PTPRD: variants seen among roughly 807,000 people sequenced by gnomAD.
The protein encoded by PTPRD is receptor-type tyrosine-protein phosphatase delta.
In PTPRD, 34 loss-of-function variants were observed where a neutral mutation model predicts 214.5. That is an observed-to-expected ratio of 0.16 (90% CI 0.12 to 0.21). The LOEUF is 0.21. PTPRD is among the 10% of genes least tolerant of loss of function. PTPRD has a pLI of 1.00. For missense variants in PTPRD, 2,545 were observed against 2,398.7 expected, an observed-to-expected ratio of 1.06 and a Z score of -1.27; for synonymous variants, 1,128 against 845.7, an observed-to-expected ratio of 1.33 and a Z score of -5.79.
intron 5 of PTPRD, among the ~76,000 whole-genome samples, chr9:9,886,439 G>T (rs1031263292): frequency 6.6e-6 from 1 of 152,068 alleles, no homozygotes; most frequent in Admixed American, 6.6e-5. Flanking sequence ...CCATAAAAAA[G>T]GGAGGTTTAA....
At chr9:9,372,203 G>C in intron 9 of PTPRD, among the ~76,000 whole-genome samples, 1 of 152,072 alleles carries the variant, frequency 6.6e-6, no homozygotes, top group East Asian at 1.9e-4. Flanking sequence ...GTCTAATGTT[G>C]ACAGTGGGGT....
intron 2 of PTPRD, among the ~76,000 whole-genome samples, chr9:10,453,325 TAGA>T (rs905040658): frequency 1.2e-3 from 184 of 151,828 alleles, no homozygotes; most frequent in African/African-American, 4.3e-3. Flanking sequence ...ATATAAATTT[TAGA>T]AGTTCTTTTA....
At chr9:9,624,578 G>A (rs559225218) in intron 7 of PTPRD, among the ~76,000 whole-genome samples, 65 of 152,146 alleles carry the variant, frequency 4.3e-4, no homozygotes, top group African/African-American at 1.5e-3. Flanking sequence ...ATGAGCCACT[G>A]TACCTGGCCG....
At chr9:10,308,691 A>T (rs1482201483) in intron 3 of PTPRD, among the ~76,000 whole-genome samples, 1 of 152,100 alleles carries the variant, frequency 6.6e-6, no homozygotes, top group Non-Finnish European at 1.5e-5. Context: ...CTGATTCATT[A>T]TCATGGGATG....
At chr9:10,328,656 T>C (rs767734026) in intron 3 of PTPRD, among the ~76,000 whole-genome samples, 1 of 151,878 alleles carries the variant, frequency 6.6e-6, no homozygotes, top group South Asian at 2.1e-4. Flanking sequence ...AGAGAAAATA[T>C]TTGATTATAC....
At chr9:9,692,983 G>A (rs2097302093) in intron 7 of PTPRD, among the ~76,000 whole-genome samples, 2 of 151,900 alleles carry the variant, frequency 1.3e-5, no homozygotes, top group Non-Finnish European at 2.9e-5. Context: ...TGTAACCTGA[G>A]AGTTTGCTGA....
chr9:10,292,639 A>G (rs2095559924), intron 3 of PTPRD, among the ~76,000 whole-genome samples: 1 of 151,968 alleles, frequency 6.6e-6, no homozygotes. Context: ...ACCCAACAAA[A>G]TCTAGTGAAA....
intron 3 of PTPRD, among the ~76,000 whole-genome samples, chr9:10,224,713 C>A (rs926258229): frequency 1.2e-4 from 18 of 151,972 alleles, no homozygotes; most frequent in African/African-American, 4.3e-4. Context: ...CACACATTTT[C>A]TTCCACTTTC....
chr9:8,606,230 T>G (rs2095203976), intron 14 of PTPRD, among the ~76,000 whole-genome samples: 1 of 152,052 alleles, frequency 6.6e-6, no homozygotes, highest in South Asian at 2.1e-4. Context: ...TGTCTTTACA[T>G]GCATTCACAA....
At chr9:9,231,853 G>C (rs756727303) in intron 9 of PTPRD, among the ~76,000 whole-genome samples, 2 of 151,868 alleles carry the variant, frequency 1.3e-5, no homozygotes, top group African/African-American at 4.8e-5. Context: ...TTTACATTAC[G>C]TATTTTCCCT....
At chr9:10,069,098 T>C (rs941030942) in intron 3 of PTPRD, among the ~76,000 whole-genome samples, 1 of 151,956 alleles carries the variant, frequency 6.6e-6, no homozygotes, top group Non-Finnish European at 1.5e-5. Context: ...TGTCAACCCA[T>C]GGTTTCTTCA....
At chr9:8,816,625 A>G (rs1422003714) in intron 11 of PTPRD, among the ~76,000 whole-genome samples, 2 of 152,212 alleles carry the variant, frequency 1.3e-5, no homozygotes, top group African/African-American at 4.8e-5. Context: ...ACTCATATAG[A>G]AAGTATAACT....
intron 5 of PTPRD, among the ~76,000 whole-genome samples, chr9:9,777,708 C>CA (rs1287016549): frequency 6.6e-6 from 1 of 151,780 alleles, no homozygotes; most frequent in African/African-American, 2.4e-5. Context: ...ACAACAAAAA[C>CA]AAAAAAGTTA....
At chr9:10,282,119 G>C (rs1361824378) in intron 3 of PTPRD, among the ~76,000 whole-genome samples, 1 of 152,112 alleles carries the variant, frequency 6.6e-6, no homozygotes, top group Non-Finnish European at 1.5e-5. Flanking sequence ...GAAAGATCAT[G>C]ACTTTCTACT....
At chr9:8,340,078 A>T (rs1024122916) in intron 42 of PTPRD, among the ~76,000 whole-genome samples, 1 of 152,170 alleles carries the variant, frequency 6.6e-6, no homozygotes, top group South Asian at 2.1e-4. Context: ...ACATAAGTCA[A>T]ACGGGGACAC....
chr9:8,943,652 T>C (rs2154296779), intron 11 of PTPRD, among the ~76,000 whole-genome samples: 1 of 151,464 alleles, frequency 6.6e-6, no homozygotes, highest in South Asian at 2.1e-4. Context: ...AATAAATTAT[T>C]TTCCAGATTA....
At chr9:8,430,116 T>G (rs904694511) in intron 35 of PTPRD, among the ~76,000 whole-genome samples, 4 of 152,148 alleles carry the variant, frequency 2.6e-5, no homozygotes, top group African/African-American at 4.8e-5. Flanking sequence ...GTATAACATC[T>G]AGAATGTACC....
chr9:10,031,655 C>T (rs1242012521), intron 4 of PTPRD, among the ~76,000 whole-genome samples: 194 of 92,136 alleles, frequency 2.1e-3, no homozygotes, highest in African/African-American at 7.2e-3. Context: ...TATACACACA[C>T]ACACACACAC....
Position 9,811,483 on chromosome 9 carries a change from G to A in PTPRD, c.-367-44632C>T, listed in dbSNP as rs140590820. On this transcript the variant is annotated intron_variant, in intron 5 of 45. Transcript: ENST00000381196. ...AGCACTTTGGGAGGCCGAGGTGGGC[G>A]GATCATGAGGTCAGGAGATCGAGAC... is the stretch of plus-strand genomic sequence containing the variant. 8.1e-3 allele frequency among the ~76,000 whole-genome samples: 1,234 copies of A among 152,186 alleles called. 18 individuals are homozygous for A. Among genetic ancestry groups the A allele is most frequent in the African/African-American group, 0.028 (1,166 of 41,534 alleles).
Sources: gnomAD v4.1 joint callset for allele counts (sites outside exome capture counted in the v4.1 genomes callset) on GRCh38, gnomAD v4.1.1 for gene constraint, MANE v1.5 for transcripts, NCBI Gene and HGNC (gene_info 2026-07-23, HGNC 2026-07-21) for gene names.